The following INPP4B variants were observed in gnomAD, a reference collection of about 807,000 sequenced individuals.
INPP4B encodes the protein inositol polyphosphate 4-phosphatase type II.
Under a neutral mutation model 122.5 loss-of-function variants are expected in INPP4B, and 55 were observed. The ratio of observed to expected loss-of-function variants is 0.45; its 90% CI spans 0.36 to 0.56. The LOEUF is 0.56. Ranked by LOEUF, INPP4B falls within the 20% of genes least tolerant of loss-of-function variation. The probability of loss-of-function intolerance (pLI) is 0.00; values close to 1 mark genes in which losing one functional copy is unlikely to be tolerated. For synonymous variants in INPP4B, 403 were observed against 388.7 expected, an observed-to-expected ratio of 1.04 and a Z score of -0.43; for missense variants, 1,000 against 1,097.7, an observed-to-expected ratio of 0.91 and a Z score of 1.26.
rs1281023340 is a variant in INPP4B, at chr4:142,086,246, A to G, written c.2385T>C (p.His795=). The G allele has an allele frequency of 7.2e-6, 11 of 1,530,002 alleles. No individual in the cohort carries two copies. Among genetic ancestry groups the G allele is most frequent in the Non-Finnish European group, 1.0e-5 (11 of 1,103,680 alleles). 94.8% of individuals were successfully genotyped at this position (1,530,002 alleles called of 1,614,324 possible). ...CTTTTAAATCATTTTGTTCCTGAAA[A>G]TGTGAAATATCTGAAGGGGAAAAAA... The part of the protein sequence containing the change: ...MEKMPPDYIS[H]FQEQNDLKAL... The change falls in exon 24 of 26, where the codon CAT becomes CAC. Residue 795 remains histidine (H), a synonymous_variant. Coordinates refer to ENST00000262992, the MANE Select transcript of INPP4B (RefSeq NM_001101669.3).
intron 23 of INPP4B, among the ~76,000 whole-genome samples, chr4:142,097,651 T>C (rs903469960): frequency 1.3e-5 from 2 of 152,128 alleles, no homozygotes; most frequent in Admixed American, 6.6e-5. Context: ...ATTATTTACT[T>C]TCTGGCTCTT....
At chr4:142,495,134 A>C (rs1181457801) in intron 2 of INPP4B, among the ~76,000 whole-genome samples, 2 of 152,122 alleles carry the variant, frequency 1.3e-5, no homozygotes, top group Non-Finnish European at 2.9e-5. Flanking sequence ...TTTCTGTATT[A>C]ATTAATACAT....
intron 2 of INPP4B, among the ~76,000 whole-genome samples, chr4:142,530,606 C>T (rs1827490602): frequency 6.7e-6 from 1 of 150,236 alleles, no homozygotes; most frequent in African/African-American, 2.5e-5. Flanking sequence ...CACATACATA[C>T]ACATAAGGAA....
chr4:142,610,624 C>G (rs956583745), intron 2 of INPP4B, among the ~76,000 whole-genome samples: 3 of 152,106 alleles, frequency 2.0e-5, no homozygotes, highest in East Asian at 3.9e-4. Context: ...AGCTATACTC[C>G]TAATTAGTTG....
intron 7 of INPP4B, among the ~76,000 whole-genome samples, chr4:142,348,045 C>T (rs1318333623): frequency 6.6e-6 from 1 of 152,054 alleles, no homozygotes; most frequent in East Asian, 1.9e-4. Flanking sequence ...TATGTGACTG[C>T]ATAAACATCA....
Position 142,605,402 on chromosome 4 carries a change from C to A in INPP4B, c.-191+120437G>T, listed in dbSNP as rs985612705. ...ATGGCTAAGACCTAAAACACACAGG[C>A]AATAAAAACAGAAATAGACAAATGG... is the stretch of plus-strand genomic sequence containing the variant. On this transcript the variant is annotated intron_variant, in intron 2 of 25. Coordinates refer to ENST00000262992, the MANE Select transcript of INPP4B (RefSeq NM_001101669.3). 4.6e-5 allele frequency among the ~76,000 whole-genome samples: 7 copies of A among 151,854 alleles called. No homozygotes were observed. In the East Asian group the frequency reaches 1.4e-3, roughly 29 times the overall value.
chr4:142,028,753 T>C lies in INPP4B; in HGVS notation c.*29A>G, dbSNP rs1737839348. 2 of 1,596,426 alleles carry C rather than the reference T, an allele frequency of 1.3e-6. No individual in the cohort carries two copies. The highest frequency in any genetic ancestry group is 8.5e-7 in the Non-Finnish European group (1 of 1,173,308). ...AGATTATCCAACTGAAATGTATTTG[T>C]GTTCCTGTTTATTAACATGTTGGTA... On this transcript the variant is annotated 3_prime_UTR_variant, in exon 26 of 26. Coordinates refer to ENST00000262992, the MANE Select transcript of INPP4B (RefSeq NM_001101669.3).
chr4:142,587,294 A>G (rs763924696), intron 2 of INPP4B, among the ~76,000 whole-genome samples: 70 of 152,024 alleles, frequency 4.6e-4, no homozygotes, highest in Non-Finnish European at 8.7e-4. Context: ...AACACCTACC[A>G]TTTTTGGTGG....
intron 2 of INPP4B, among the ~76,000 whole-genome samples, chr4:142,587,336 T>C (rs1158057818): frequency 6.6e-6 from 1 of 152,110 alleles, no homozygotes; most frequent in South Asian, 2.1e-4. Context: ...TGATGTTTGA[T>C]CTTACCTGGG....
chr4:142,102,382 CT>C (rs1324265655), intron 23 of INPP4B, among the ~76,000 whole-genome samples: 2 of 150,540 alleles, frequency 1.3e-5, no homozygotes, highest in African/African-American at 4.9e-5. Flanking sequence ...AATAATTATT[CT>C]AAAAGAATTT....
At chr4:142,054,151 T>C (rs995767280) in intron 25 of INPP4B, among the ~76,000 whole-genome samples, 1 of 152,104 alleles carries the variant, frequency 6.6e-6, no homozygotes, top group Non-Finnish European at 1.5e-5. Flanking sequence ...CTGATCATAC[T>C]GTATGCTGCT....
chr4:142,392,537 T>C (rs1026793079), intron 7 of INPP4B, among the ~76,000 whole-genome samples: 1 of 152,196 alleles, frequency 6.6e-6, no homozygotes, highest in Admixed American at 6.5e-5. Flanking sequence ...ATTGGTTCAC[T>C]CCTCTTAACC....
intron 7 of INPP4B, chr4:142,384,014 C>A (rs1795093936): frequency 2.9e-6 from 2 of 695,894 alleles, no homozygotes; most frequent in East Asian, 2.7e-5. Flanking sequence ...GGCCAACCAT[C>A]CTGCAGACAT....
chr4:142,422,271 T>A (rs890117813), intron 5 of INPP4B, among the ~76,000 whole-genome samples: 1 of 152,106 alleles, frequency 6.6e-6, no homozygotes, highest in Non-Finnish European at 1.5e-5. Context: ...TAGAACAGCA[T>A]ATGGCAAACA....
chr4:142,726,325 G>A (rs977925700), intron 1 of INPP4B, among the ~76,000 whole-genome samples: 2 of 152,206 alleles, frequency 1.3e-5, no homozygotes, highest in African/African-American at 4.8e-5. Flanking sequence ...TCCACTGCTA[G>A]TGAGCATGGG....
chr4:142,112,042 C>CAA (rs149208884), intron 22 of INPP4B, among the ~76,000 whole-genome samples: 8 of 149,836 alleles, frequency 5.3e-5, no homozygotes, highest in Admixed American at 2.7e-4. Flanking sequence ...CCACGACCAG[C>CAA]AAAAAAAAAG....
At chr4:142,628,663 T>G (rs1180427062) in intron 2 of INPP4B, among the ~76,000 whole-genome samples, 1 of 152,084 alleles carries the variant, frequency 6.6e-6, no homozygotes, top group African/African-American at 2.4e-5. Context: ...ATTTATATTT[T>G]TCTTTGATTC....
chr4:142,755,443 A>C (rs148791470), intron 1 of INPP4B, among the ~76,000 whole-genome samples: 1 of 152,108 alleles, frequency 6.6e-6, no homozygotes, highest in Non-Finnish European at 1.5e-5. Flanking sequence ...CAGCAGTCTC[A>C]ATTAGTCCTA....
rs116378277 is a variant in INPP4B at position 142,262,086 on chromosome 4, C to T, written c.616-1522G>A. Among the ~76,000 whole-genome samples, 115 of 152,272 alleles carry T rather than the reference C, an allele frequency of 7.6e-4. 1 individual carries two copies. Among genetic ancestry groups the T allele is most frequent in the African/African-American group, 2.7e-3 (111 of 41,552 alleles). ...AATGATACTAGAAATACATAAAATTCTAATTTTTCCTATTTTCAATATTAC... is the reference window on the plus strand; with the variant it reads ...AATGATACTAGAAATACATAAAATTTTAATTTTTCCTATTTTCAATATTAC... On this transcript the variant is annotated intron_variant, in intron 10 of 25. Coordinates refer to ENST00000262992, the MANE Select transcript of INPP4B (RefSeq NM_001101669.3).
Sources: allele counts gnomAD v4.1 joint callset (sites outside exome capture counted in the v4.1 genomes callset), GRCh38; gene constraint gnomAD v4.1.1; transcripts MANE v1.5; gene names NCBI Gene and HGNC (gene_info 2026-07-23, HGNC 2026-07-21).